Variants in ACACA observed in about 807,000 individuals in gnomAD.
ACACA encodes the protein acetyl-CoA carboxylase 1.
Under a neutral mutation model 296.1 loss-of-function variants are expected in ACACA, and 103 were observed. That is an observed-to-expected ratio of 0.35 (90% CI 0.30 to 0.41). The LOEUF is 0.41. ACACA is among the 10% of genes least tolerant of loss of function. The pLI, the probability that ACACA is intolerant of heterozygous loss-of-function variation, is 1.00. For synonymous variants in ACACA, 953 were observed against 1,038.6 expected (o/e 0.92, Z 1.58); for missense variants, 1,554 against 2,989.7 (o/e 0.52, Z 11.20).
intron 1 of ACACA, 90 bp downstream of exon 1, chr17:37,406,172 T>C: frequency 7.0e-7 from 1 of 1,436,422 alleles, no homozygotes; most frequent in Non-Finnish European, 9.8e-7. Context: ...TAACCTGCTT[T>C]GTGCAATGTC....
intron 33 of ACACA, among the ~76,000 whole-genome samples, chr17:37,203,746 A>AAAAAC (rs199961336): frequency 3.0e-4 from 45 of 152,188 alleles, no homozygotes; most frequent in East Asian, 3.9e-4. Context: ...TCCATCTCAA[A>AAAAAC]AAAACAAAAC....
intron 35 of ACACA, among the ~76,000 whole-genome samples, chr17:37,197,580 C>T (rs2078060281): frequency 6.6e-6 from 1 of 152,124 alleles, no homozygotes; most frequent in Non-Finnish European, 1.5e-5. Context: ...AATCAGATGA[C>T]ATGACAGAGG....
chr17:37,232,919 T>A (rs2079930905), intron 25 of ACACA, among the ~76,000 whole-genome samples: 1 of 151,992 alleles, frequency 6.6e-6, no homozygotes, highest in African/African-American at 2.4e-5. Context: ...TCCTCCTCCA[T>A]CCTATTCACC....
At chr17:37,107,573 A>G (rs1359078957) in intron 52 of ACACA, among the ~76,000 whole-genome samples, 3 of 152,246 alleles carry the variant, frequency 2.0e-5, no homozygotes, top group Non-Finnish European at 4.4e-5. Flanking sequence ...AAGGGCCAGC[A>G]GCAGTGCTCA....
In ACACA at chr17:37,324,242, T is replaced by C. The variant is rs140175971; in HGVS notation, c.338+5931A>G. 9.3e-3 allele frequency among the ~76,000 whole-genome samples: 1,410 copies of C among 151,864 alleles called. 25 individuals carry two copies. The highest frequency in any genetic ancestry group is 0.032 in the African/African-American group (1,332 of 41,368). On this transcript the variant is annotated intron_variant, in intron 3 of 55. Coordinates refer to ENST00000616317, the MANE Select transcript of ACACA (RefSeq NM_198834.3). ...TTAGCCAGACGTGGTGGCGCATGCC[T>C]GTAGTCCCAGCTACTGGGGAGGCTG...
At chr17:37,154,832 A>T (rs371567099) in intron 43 of ACACA, among the ~76,000 whole-genome samples, 4 of 152,168 alleles carry the variant, frequency 2.6e-5, no homozygotes, top group East Asian at 3.8e-4. Flanking sequence ...TTGCAGATAG[A>T]TTATATAAAA....
chr17:37,289,326 A>C, intron 3 of ACACA: 1 of 599,362 alleles, frequency 1.7e-6, no homozygotes, highest in Middle Eastern at 3.2e-4. Flanking sequence ...ATCTGGCTGT[A>C]AATTATTCCT....
chr17:37,130,308 C>A lies in ACACA; in HGVS notation c.5680-90G>T, dbSNP rs1311865554. The A allele has an allele frequency of 4.0e-6, 6 of 1,485,930 alleles. No individual in the cohort carries two copies. The South Asian group carries it at 5.7e-5, about 14-fold the overall frequency. The allele number at this position is 1,485,930 out of a possible 1,614,324, so 92.0% of individuals were successfully genotyped here. On this transcript the variant is annotated intron_variant, in intron 45 of 55. Coordinates refer to ENST00000616317, the MANE Select transcript of ACACA (RefSeq NM_198834.3). ...AAGTCGCACTAAAATGGGTTCTTTT[C>A]TCCACAAAACAGAGATTTCAGTCTC...
chr17:37,111,600 G>A lies in ACACA; in HGVS notation c.6496C>T (p.Arg2166Cys). The A allele has an allele frequency of 2.5e-6, 4 of 1,614,102 alleles. No individual in the cohort carries two copies. Among genetic ancestry groups the A allele is most frequent in the Non-Finnish European group, 8.5e-7 (1 of 1,180,012 alleles). The stretch of plus-strand genomic sequence containing the variant: ...ATGGTTTTCACCAGATCCTTTCTGC[G>A]GAATTTGATTTCTACTGTCCCTTCT... The part of the protein sequence containing the change: ...EPEGTVEIKF[R>C]RKDLVKTMRR... Residue 2166 changes from arginine to cysteine, a missense_variant, in exon 52 of 56, where the codon CGC becomes TGC. Physicochemically the swap from Arg to Cys is radical, Grantham distance 180. Coordinates refer to ENST00000616317, the MANE Select transcript of ACACA (RefSeq NM_198834.3).
At chr17:37,287,584 A>C (rs894740987) in intron 3 of ACACA, among the ~76,000 whole-genome samples, 5 of 146,482 alleles carry the variant, frequency 3.4e-5, no homozygotes, top group South Asian at 4.3e-4. Context: ...AAAAAAAAAA[A>C]AAAAAACAAA....
At chr17:37,255,133 A>G (rs969718865) in intron 14 of ACACA, among the ~76,000 whole-genome samples, 1 of 151,964 alleles carries the variant, frequency 6.6e-6, no homozygotes, top group South Asian at 2.1e-4. Flanking sequence ...GCTTGAGTTC[A>G]GGGAATGGTA....
intron 43 of ACACA, among the ~76,000 whole-genome samples, chr17:37,154,367 A>T (rs895004853): frequency 5.3e-5 from 8 of 152,228 alleles, no homozygotes; most frequent in Non-Finnish European, 1.0e-4. Flanking sequence ...TTGAGGAAAA[A>T]TTAAAAATGT....
At position 37,259,549 on chromosome 17, in the gene ACACA, G is replaced by A. The variant is rs760928488; in HGVS notation, c.1330-19C>T. 3.7e-6 allele frequency: 6 copies of A among 1,614,042 alleles called. No individual in the cohort carries two copies. The highest frequency in any genetic ancestry group is 4.5e-5 in the East Asian group (2 of 44,876). On this transcript the variant is annotated intron_variant, in intron 11 of 55. Coordinates refer to ENST00000616317, the MANE Select transcript of ACACA (RefSeq NM_198834.3). The stretch of plus-strand genomic sequence containing the variant: ...CCGCACACTCAAAGAAGAGAGATAA[G>A]CAAACATAAGTATCTCACCTTATCC...
chr17:37,342,804 G>A (rs2048445588), intron 1 of ACACA, among the ~76,000 whole-genome samples: 1 of 151,534 alleles, frequency 6.6e-6, no homozygotes, highest in South Asian at 2.1e-4. Flanking sequence ...AGCTGGATGT[G>A]GTAGCACATG....
chr17:37,221,477 C>T, intron 29 of ACACA: 2 of 503,252 alleles, frequency 4.0e-6, no homozygotes, highest in Non-Finnish European at 7.0e-6. Context: ...GAAACTATTT[C>T]CTCAGTGACA....
intron 41 of ACACA, among the ~76,000 whole-genome samples, chr17:37,165,277 A>G (rs1206994335): frequency 6.6e-6 from 1 of 152,178 alleles, no homozygotes; most frequent in Non-Finnish European, 1.5e-5. Flanking sequence ...CATTAAAATA[A>G]TTTAGATTTC....
At chr17:37,392,128 C>CTTAATAGCTTAATAGCTATAAGA (rs1412894066) in intron 1 of ACACA, 1 of 184,222 alleles carries the variant, frequency 5.4e-6, no homozygotes, top group Non-Finnish European at 1.1e-5. Context: ...ACTCACTGGC[C>CTTAATAGCTTAATAGCTATAAGA]CTCAATAGCT....
intron 25 of ACACA, among the ~76,000 whole-genome samples, chr17:37,227,643 C>T (rs957683191): frequency 2.0e-5 from 3 of 152,054 alleles, no homozygotes; most frequent in Non-Finnish European, 2.9e-5. Context: ...CCGAGGCGTG[C>T]GGATCACGAG....
In ACACA at chr17:37,200,420, T is replaced by G. The variant is rs966460435; in HGVS notation, c.4113+7A>C. The G allele has an allele frequency of 1.2e-6, 2 of 1,605,892 alleles. No individual in the cohort carries two copies. Among genetic ancestry groups the G allele is most frequent in the African/African-American group, 1.3e-5 (1 of 74,850 alleles). ...ATATTAAAGAGGTACAATTCACATG[T>G]CAGTACCTTTTGTGCAACCAGGAAA... On this transcript the variant is annotated splice_region_variant and intron_variant, in intron 34 of 55. Coordinates refer to ENST00000616317, the MANE Select transcript of ACACA (RefSeq NM_198834.3).
Sources: allele counts gnomAD v4.1 joint callset (sites outside exome capture counted in the v4.1 genomes callset), GRCh38; gene constraint gnomAD v4.1.1; transcripts MANE v1.5; gene names NCBI Gene and HGNC (gene_info 2026-07-23, HGNC 2026-07-21).